The following LTA4H variants were observed in gnomAD, a reference collection of about 807,000 sequenced individuals.
The protein encoded by LTA4H is leukotriene A-4 hydrolase.
LTA4H carries 59 observed loss-of-function variants against 89.8 expected under a neutral mutation model. The observed-to-expected ratio is 0.66, with a 90% CI of 0.53 to 0.82. The LOEUF (loss-of-function observed/expected upper bound fraction) is 0.82, where lower values mean the gene tolerates loss of function less well. LTA4H is among the 40% of genes least tolerant of loss of function. The pLI is 0.00. For synonymous variants in LTA4H, 227 were observed against 253.1 expected (o/e 0.90, Z 0.98); for missense variants, 617 against 727.0 (o/e 0.85, Z 1.74).
intron 15 of LTA4H, among the ~76,000 whole-genome samples, chr12:96,007,619 G>C (rs1025531653): frequency 6.6e-6 from 1 of 152,226 alleles, no homozygotes; most frequent in Non-Finnish European, 1.5e-5. Context: ...AAGGAAAAGA[G>C]TGCATTAGTG....
chr12:96,030,147 G>C (rs191429898), intron 1 of LTA4H, among the ~76,000 whole-genome samples: 1 of 152,230 alleles, frequency 6.6e-6, no homozygotes, highest in Non-Finnish European at 1.5e-5. Context: ...ATGTCATCTG[G>C]TTAAAACCCC....
intron 15 of LTA4H, among the ~76,000 whole-genome samples, chr12:96,007,336 A>G (rs1468249051): frequency 2.6e-5 from 4 of 152,190 alleles, no homozygotes; most frequent in Non-Finnish European, 5.9e-5. Flanking sequence ...AATCTAAACT[A>G]TATATTAATT....
At chr12:96,011,395 A>G (rs1359245888) in intron 14 of LTA4H, 1 of 152,168 alleles carries the variant, frequency 6.6e-6, no homozygotes, top group African/African-American at 2.4e-5. Context: ...CAGCTTTCTT[A>G]ACAATGAACC....
chr12:96,013,409 TGATA>T (rs1348120125), intron 13 of LTA4H, 151 bp from the exon 14 acceptor site: 27 of 592,260 alleles, frequency 4.6e-5, no homozygotes, highest in South Asian at 3.2e-4. Context: ...TATTTTAAAT[TGATA>T]GATCATAATT....
At chr12:96,019,090 A>G (rs1438643944) in intron 7 of LTA4H, 78 bp downstream of exon 7, 4 of 1,369,960 alleles carry the variant, frequency 2.9e-6, no homozygotes, top group Non-Finnish European at 4.1e-6. Flanking sequence ...GTATCACTTA[A>G]AACCATCACA....
At chr12:96,013,679 A>T in intron 13 of LTA4H, 71 bp downstream of exon 13, 1 of 796,450 alleles carries the variant, frequency 1.3e-6, no homozygotes, top group Non-Finnish European at 2.1e-6. Flanking sequence ...TAGATAATAC[A>T]AGTTAACCTA....
exon 1 of LTA4H, chr12:96,043,334 G>T: frequency 6.5e-7 from 1 of 1,535,444 alleles, no homozygotes; most frequent in Non-Finnish European, 8.7e-7. Flanking sequence ...GGATATGCAT[G>T]GTCGGTACTT....
chr12:96,018,612 G>A (rs1048398978), intron 8 of LTA4H, 151 bp downstream of exon 8: 17 of 451,940 alleles, frequency 3.8e-5, no homozygotes, highest in African/African-American at 3.0e-4. Flanking sequence ...AGAAACAAAG[G>A]TTACACGAAC....
At chr12:96,013,913 T>C in intron 12 of LTA4H, 60 bp from the exon 13 acceptor site, 1 of 782,892 alleles carries the variant, frequency 1.3e-6, no homozygotes, top group Non-Finnish European at 2.2e-6. Context: ...ACATTTTGTG[T>C]GCGTGTTTGG....
rs45630739 is a variant in LTA4H at position 96,006,401 on chromosome 12, T to A, written c.1443A>T (p.Glu481Asp). 6,788 of 1,599,542 alleles carry A rather than the reference T, an allele frequency of 4.2e-3. 233 individuals carry two copies. In the African/African-American group the frequency reaches 0.077, roughly 18 times the overall value. Residue 481 changes from glutamate (E) to aspartate (D), a missense_variant, in exon 16 of 19, where the codon GAA (glutamate) becomes GAT (aspartate). Around this residue, in one of 3 missense-constraint regions of LTA4H, gnomAD observed 290 missense variants for 339.1 expected, o/e 0.86. Transcript: ENST00000228740. ...ALSQRWITAK[E>D]DDLNSFNATD... The stretch of plus-strand genomic sequence containing the variant: ...TGGCATTGAATGAATTTAAATCATC[T>A]TCTTTGGCCTGAAATAAATGTTACC...
At chr12:96,012,344 T>C (rs1357437845) in intron 14 of LTA4H, 1 of 152,212 alleles carries the variant, frequency 6.6e-6, no homozygotes, top group Admixed American at 6.5e-5. Context: ...GAACATGCCA[T>C]GGTCAGTGTC....
At chr12:96,021,045 TG>T (rs1254574203) in intron 6 of LTA4H, 39 bp downstream of exon 6, 4 of 1,561,952 alleles carry the variant, frequency 2.6e-6, no homozygotes, top group Non-Finnish European at 2.6e-6. Context: ...GCCTAAGTTT[TG>T]ATCTTTCCAC....
At chr12:96,009,272 G>T in intron 14 of LTA4H, 124 bp from the exon 15 acceptor site, 1 of 648,658 alleles carries the variant, frequency 1.5e-6, no homozygotes, top group Non-Finnish European at 2.7e-6. Context: ...ACTCCAAAGT[G>T]AGGAAAATAG....
upstream of LTA4H, among the ~76,000 whole-genome samples, chr12:96,039,825 T>C (rs923966624): frequency 3.3e-5 from 5 of 152,262 alleles, no homozygotes; most frequent in African/African-American, 1.2e-4. Context: ...CTTTCCTTTC[T>C]TGAAATAGTC....
chr12:96,036,952 G>A (rs549703630), upstream of LTA4H, among the ~76,000 whole-genome samples: 17 of 152,254 alleles, frequency 1.1e-4, no homozygotes, highest in Admixed American at 9.2e-4. Context: ...TTGCGGGGCC[G>A]GTGCCACACA....
upstream of LTA4H, among the ~76,000 whole-genome samples, chr12:96,039,477 T>G (rs1157925674): frequency 2.6e-5 from 4 of 152,188 alleles, no homozygotes; most frequent in African/African-American, 9.7e-5. Flanking sequence ...AGATAAAGTA[T>G]GGGAACTGCT....
chr12:96,026,995 G>C (rs573157349), intron 3 of LTA4H, among the ~76,000 whole-genome samples: 1 of 152,284 alleles, frequency 6.6e-6, no homozygotes, highest in African/African-American at 2.4e-5. Context: ...GAAAAATATG[G>C]AAAAGCTACA....
At position 96,017,575 on chromosome 12, in the gene LTA4H, G is replaced by T. The variant is rs374639706; in HGVS notation, c.858C>A (p.Gly286=). The T allele has an allele frequency of 1.9e-6, 3 of 1,609,598 alleles. No individual in the cohort carries two copies. Among genetic ancestry groups the T allele is most frequent in the Non-Finnish European group, 1.7e-6 (2 of 1,177,034 alleles). ...LTFVTPTLLA[G]DKSLSNVIAH... Reference sequence around the variant, plus strand: ...AACTTACATTGGAGAGTGACTTGTCGCCTGCCTACAAAAAAAGAAAATTAC... The same window carrying T: ...AACTTACATTGGAGAGTGACTTGTCTCCTGCCTACAAAAAAAGAAAATTAC... Residue 286 remains glycine (G), a synonymous_variant, in exon 9 of 19, where the codon GGC becomes GGA. Transcript: ENST00000228740.
At chr12:96,009,482 T>C in intron 14 of LTA4H, 1 of 241,494 alleles carries the variant, frequency 4.1e-6, no homozygotes, top group Non-Finnish European at 8.0e-6. Flanking sequence ...GCAGGAACAG[T>C]TCTAGGCACT....
Sources: allele counts gnomAD v4.1 joint callset (sites outside exome capture counted in the v4.1 genomes callset), GRCh38; gene constraint gnomAD v4.1.1; regional missense constraint gnomAD v4.1.1; transcripts MANE v1.5; gene names NCBI Gene and HGNC (gene_info 2026-07-23, HGNC 2026-07-21).